The following MAML3 variants were observed in gnomAD, a reference collection of about 807,000 sequenced individuals.
MAML3 encodes the protein mastermind-like protein 3.
In MAML3, 27 loss-of-function variants were observed where a neutral mutation model predicts 101.9. The ratio of observed to expected loss-of-function variants is 0.27; its 90% CI spans 0.20 to 0.37. The LOEUF (loss-of-function observed/expected upper bound fraction) is 0.37. Among genes scored for constraint, MAML3 ranks in the 10% least tolerant of loss-of-function variants. The pLI is 1.00. For synonymous variants in MAML3, 501 were observed against 555.9 expected (o/e 0.90, Z 1.39); for missense variants, 1,316 against 1,444.9 (o/e 0.91, Z 1.45).
chr4:140,061,575 T>C (rs913871549), intron 1 of MAML3, among the ~76,000 whole-genome samples: 5 of 152,240 alleles, frequency 3.3e-5, no homozygotes, highest in African/African-American at 1.2e-4. Context: ...CAAGTTTGCA[T>C]GCAGTTACTA....
intron 2 of MAML3, among the ~76,000 whole-genome samples, chr4:139,811,303 C>CA (rs1730792262): frequency 6.6e-6 from 1 of 152,168 alleles, no homozygotes; most frequent in Non-Finnish European, 1.5e-5. Flanking sequence ...CCTGTGTTTC[C>CA]AGAGTGCACA....
rs757645856 is a variant in MAML3, at chr4:139,889,645, C to T, written c.1791G>A (p.Leu597=). The T allele has an allele frequency of 1.2e-6, 2 of 1,613,936 alleles. No homozygotes were observed. Among genetic ancestry groups the T allele is most frequent in the South Asian group, 1.1e-5 (1 of 91,074 alleles). ...TCAGGGGTTTAGTGTTGCCATAAGTCAGAATATTGTGCTGTTTGTTTAAGG... is the reference window on the plus strand; with the variant it reads ...TCAGGGGTTTAGTGTTGCCATAAGTTAGAATATTGTGCTGTTTGTTTAAGG... ...TNSLNKQHNI[L]TYGNTKPLTH... The change falls in exon 2 of 5, where the codon CTG becomes CTA. Residue 597 remains leucine, a synonymous_variant. Coordinates refer to ENST00000509479, the MANE Select transcript of MAML3 (RefSeq NM_018717.5).
chr4:139,856,605 G>A (rs906359567), intron 2 of MAML3, among the ~76,000 whole-genome samples: 17 of 152,170 alleles, frequency 1.1e-4, no homozygotes, highest in African/African-American at 2.9e-4. Flanking sequence ...GTCTCTTGTC[G>A]AACTTCTGTG....
chr4:139,962,018 G>A (rs1433801700), intron 1 of MAML3, among the ~76,000 whole-genome samples: 2 of 152,118 alleles, frequency 1.3e-5, no homozygotes, highest in Admixed American at 1.3e-4. Flanking sequence ...TGAGAGGCTG[G>A]AGGCTCAGGT....
intron 1 of MAML3, among the ~76,000 whole-genome samples, chr4:139,958,582 T>C (rs1363703013): frequency 6.6e-6 from 1 of 152,146 alleles, no homozygotes; most frequent in African/African-American, 2.4e-5. Flanking sequence ...AGAGGTGGCA[T>C]TGAAGCAGGA....
At chr4:140,091,554 A>AAG (rs1728052653) in intron 1 of MAML3, among the ~76,000 whole-genome samples, 1 of 150,222 alleles carries the variant, frequency 6.7e-6, no homozygotes, top group Admixed American at 6.6e-5. Context: ...AAAACAAAAA[A>AAG]AAAAAACAGG....
At chr4:139,960,692 C>A (rs1183887846) in intron 1 of MAML3, among the ~76,000 whole-genome samples, 1 of 152,158 alleles carries the variant, frequency 6.6e-6, no homozygotes, top group Non-Finnish European at 1.5e-5. Context: ...ACTTCTGTTC[C>A]TTCCCAGGGT....
At chr4:140,132,945 T>C in intron 1 of MAML3, 1 of 278,288 alleles carries the variant, frequency 3.6e-6, no homozygotes, top group South Asian at 3.5e-5. Flanking sequence ...AACAAATTGG[T>C]CAGTCCACTC....
At chr4:139,720,393 A>AATT in intron 4 of MAML3, 70 bp from the exon 5 acceptor site, 7 of 1,402,496 alleles carry the variant, frequency 5.0e-6, no homozygotes, top group Non-Finnish European at 6.6e-6. Context: ...AAGATGTTGG[A>AATT]ATTTTCTTTG....
At chr4:139,948,679 C>G (rs1733779260) in intron 1 of MAML3, among the ~76,000 whole-genome samples, 1 of 152,238 alleles carries the variant, frequency 6.6e-6, no homozygotes, top group Non-Finnish European at 1.5e-5. Context: ...AACTTGTCTT[C>G]AATCATCTCA....
intron 1 of MAML3, among the ~76,000 whole-genome samples, chr4:140,003,163 T>C (rs1219368267): frequency 2.6e-5 from 4 of 152,220 alleles, no homozygotes; most frequent in Non-Finnish European, 5.9e-5. Context: ...ATCAGTATCA[T>C]GAACTGTTGA....
intron 1 of MAML3, among the ~76,000 whole-genome samples, chr4:140,047,427 G>T (rs1457687157): frequency 1.3e-5 from 2 of 152,156 alleles, no homozygotes; most frequent in Non-Finnish European, 2.9e-5. Context: ...TTTACTTGGC[G>T]GAATTGCAGC....
intron 1 of MAML3, among the ~76,000 whole-genome samples, chr4:139,941,756 G>A (rs1007874328): frequency 4.6e-5 from 7 of 152,178 alleles, no homozygotes; most frequent in Non-Finnish European, 8.8e-5. Context: ...CTTTGCGCCC[G>A]ATGGTCTAAT....
At chr4:140,132,740 T>G (rs925057465) in intron 1 of MAML3, among the ~76,000 whole-genome samples, 1 of 152,210 alleles carries the variant, frequency 6.6e-6, no homozygotes, top group Non-Finnish European at 1.5e-5. Context: ...TGTTCTGTAA[T>G]TCAAAGATTA....
chr4:140,098,046 G>A (rs1728191139), intron 1 of MAML3, among the ~76,000 whole-genome samples: 1 of 152,186 alleles, frequency 6.6e-6, no homozygotes, highest in Admixed American at 6.5e-5. Context: ...ATAAGCTATC[G>A]TTCATTTATT....
At chr4:139,967,354 G>T (rs1016248796) in intron 1 of MAML3, among the ~76,000 whole-genome samples, 1 of 152,112 alleles carries the variant, frequency 6.6e-6, no homozygotes, top group African/African-American at 2.4e-5. Context: ...AAGGAAAAGG[G>T]ATTGAGAATC....
chr4:139,734,226 C>A (rs1228537114), intron 2 of MAML3, among the ~76,000 whole-genome samples: 1 of 152,220 alleles, frequency 6.6e-6, no homozygotes. Flanking sequence ...GAGAAATAGT[C>A]TGTCAAATTT....
intron 1 of MAML3, among the ~76,000 whole-genome samples, chr4:140,040,433 C>T (rs1330295528): frequency 6.6e-6 from 1 of 152,208 alleles, no homozygotes; most frequent in Non-Finnish European, 1.5e-5. Context: ...AGGTAGAGGA[C>T]AAGGGTCCCT....
intron 1 of MAML3, among the ~76,000 whole-genome samples, chr4:140,083,177 A>G (rs1727891196): frequency 6.6e-6 from 1 of 152,176 alleles, no homozygotes; most frequent in Non-Finnish European, 1.5e-5. Context: ...ACCGCAAATA[A>G]AGCTCAGGTC....
Sources: allele counts gnomAD v4.1 joint callset (sites outside exome capture counted in the v4.1 genomes callset), GRCh38; gene constraint gnomAD v4.1.1; transcripts MANE v1.5; gene names NCBI Gene and HGNC (gene_info 2026-07-23, HGNC 2026-07-21).